CHORDC1: variants seen among roughly 807,000 people sequenced by gnomAD.
CHORDC1 encodes the protein cysteine and histidine-rich domain-containing protein 1.
A neutral mutation model predicts 48.3 loss-of-function variants in CHORDC1; 25 were observed. That is an observed-to-expected ratio of 0.52 (90% CI 0.38 to 0.72). The LOEUF (loss-of-function observed/expected upper bound fraction) is 0.72, where lower values mean the gene tolerates loss of function less well. CHORDC1 is among the 30% of genes least tolerant of loss of function. The probability of loss-of-function intolerance (pLI) is 0.00; values close to 1 mark genes in which losing one functional copy is unlikely to be tolerated. For synonymous variants in CHORDC1, 128 were observed against 126.4 expected, an observed-to-expected ratio of 1.01 and a Z score of -0.09; for missense variants, 317 against 388.7, an observed-to-expected ratio of 0.82 and a Z score of 1.55.
chr11:90,211,171 C>A, intron 5 of CHORDC1, 44 bp downstream of exon 5: 2 of 1,319,122 alleles, frequency 1.5e-6, no homozygotes. Context: ...AACTGCTTAA[C>A]TGTACCAGAA....
intron 4 of CHORDC1, 111 bp downstream of exon 4, chr11:90,213,904 TTGG>T: frequency 1.1e-6 from 1 of 883,316 alleles, no homozygotes; most frequent in South Asian, 1.9e-5. Flanking sequence ...GGTTCAAAGC[TTGG>T]TGGCCTACAT....
chr11:90,206,043 A>T, intron 7 of CHORDC1, 159 bp downstream of exon 7: 1 of 642,196 alleles, frequency 1.6e-6, no homozygotes, highest in Non-Finnish European at 2.8e-6. Context: ...AACACACAAC[A>T]TACAAACCCC....
intron 8 of CHORDC1, among the ~76,000 whole-genome samples, chr11:90,204,036 TATA>T (rs1326672997): frequency 6.6e-6 from 1 of 152,160 alleles, no homozygotes; most frequent in Non-Finnish European, 1.5e-5. Flanking sequence ...GATGATTTGT[TATA>T]TAAATGAGAA....
At chr11:90,207,429 G>C (rs553097968) in intron 6 of CHORDC1, 1 of 151,964 alleles carries the variant, frequency 6.6e-6, no homozygotes, top group African/African-American at 2.4e-5. Context: ...AGTAAGCAAC[G>C]ATTTCTTAAA....
At chr11:90,216,647 C>T in intron 2 of CHORDC1, 1 of 355,916 alleles carries the variant, frequency 2.8e-6, no homozygotes, top group Middle Eastern at 3.7e-4. Flanking sequence ...TTCATTAAGA[C>T]TTGGAGTGAT....
rs569316446 is a variant in CHORDC1, at chr11:90,222,724, G to A, written c.64+167C>T. On this transcript the variant is annotated intron_variant, in intron 1 of 10. Transcript: ENST00000320585. ...CGCCAAGGGAACGCGGCGCAACAGA[G>A]GGGCGGCCGGCGGGCTGCGCGGGCA... 87 of 726,324 alleles carry A rather than the reference G, an allele frequency of 1.2e-4. 1 individual carries two copies. The highest frequency in any genetic ancestry group is 9.8e-4 in the Middle Eastern group (3 of 3,052). 45.0% of individuals were successfully genotyped at this position (726,324 alleles called of 1,614,324 possible).
At chr11:90,204,582 G>A (rs1392866780) in intron 8 of CHORDC1, among the ~76,000 whole-genome samples, 4 of 152,012 alleles carry the variant, frequency 2.6e-5, no homozygotes, top group Non-Finnish European at 4.4e-5. Flanking sequence ...TTAGCTGGGC[G>A]TGGTGGTACG....
At position 90,201,111 on chromosome 11, in the gene CHORDC1, C is replaced by T. The variant is rs1263035444; in HGVS notation, c.*1294G>A. 1 of 151,882 alleles carries T rather than the reference C, an allele frequency of 6.6e-6. No homozygotes were observed. The allele number at this position is 151,882 out of a possible 1,614,324, so 9.4% of individuals were successfully genotyped here. On this transcript the variant is annotated 3_prime_UTR_variant, in exon 11 of 11. Transcript: ENST00000320585. ...ATTTGCTAATGGTAGTAGAATGATA[C>T]ATATGTTTTATTCACGAAAATAGTA...
intron 10 of CHORDC1, 131 bp from the exon 11 acceptor site, chr11:90,202,682 A>G: frequency 7.2e-7 from 1 of 1,386,664 alleles, no homozygotes; most frequent in East Asian, 2.4e-5. Context: ...CTAGTCTTAA[A>G]CTTTTTGGTA....
chr11:90,218,090 C>G (rs1858064018), intron 2 of CHORDC1, 45 bp downstream of exon 2: 1 of 1,333,390 alleles, frequency 7.5e-7, no homozygotes, highest in Non-Finnish European at 1.0e-6. Flanking sequence ...TTACATCTCT[C>G]AATTTACTAC....
In CHORDC1 at chr11:90,220,186, T is replaced by TATC. The variant is rs144684428; in HGVS notation, c.65-2005_65-2003dup. On this transcript the variant is annotated intron_variant, in intron 1 of 10. Transcript: ENST00000320585. ...GCCAAAAGATTGAACACCCTTGCTC[T>TATC]ATCACCTGATTCCTGGTGTTGCCTC... 7.5e-3 allele frequency among the ~76,000 whole-genome samples: 1,137 copies of TATC among 152,342 alleles called. 13 individuals are homozygous for TATC. The highest frequency in any genetic ancestry group is 0.026 in the African/African-American group (1,089 of 41,558).
At chr11:90,207,787 A>AAAAAC (rs1857743056) in intron 6 of CHORDC1, 2 of 146,252 alleles carry the variant, frequency 1.4e-5, no homozygotes, top group East Asian at 4.1e-4. Flanking sequence ...AACAAAAAAA[A>AAAAAC]CTCGTATAAC....
intron 8 of CHORDC1, among the ~76,000 whole-genome samples, chr11:90,204,334 C>T (rs1857613544): frequency 6.6e-6 from 1 of 151,994 alleles, no homozygotes; most frequent in South Asian, 2.1e-4. Flanking sequence ...AAAAAATACA[C>T]TCTTTTTATT....
At chr11:90,208,504 T>C (rs1857768938) in intron 6 of CHORDC1, 2 of 152,120 alleles carry the variant, frequency 1.3e-5, no homozygotes, top group African/African-American at 4.8e-5. Context: ...TAGAAATTAG[T>C]TGTGGCACAT....
intron 3 of CHORDC1, 145 bp downstream of exon 3, chr11:90,215,029 G>A (rs1857972469): frequency 2.2e-6 from 1 of 449,196 alleles, no homozygotes. Flanking sequence ...GCTGTGGAAG[G>A]GAGATGAGCT....
chr11:90,206,253 C>A lies in CHORDC1; in HGVS notation c.512G>T (p.Ser171Ile), dbSNP rs374735733. Residue 171 changes from serine to isoleucine, a missense_variant, in exon 7 of 11, where the codon AGT (serine) becomes ATT (isoleucine). Ser to Ile is a moderately radical substitution (Grantham distance 142). Transcript: ENST00000320585. ...ATGATATACACAGACTTCTTCTAGA[C>A]TCTCTAGACCCTGGTATGTCTAAAA... is the stretch of plus-strand genomic sequence containing the variant. ...GCSKTYQGLE[S>I]LEEVCVYHSG... 5.1e-6 allele frequency: 8 copies of A among 1,565,580 alleles called. No individual in the cohort carries two copies. Among genetic ancestry groups the A allele is most frequent in the Non-Finnish European group, 7.0e-6 (8 of 1,136,000 alleles).
intron 1 of CHORDC1, among the ~76,000 whole-genome samples, chr11:90,222,318 C>T (rs930144965): frequency 6.6e-6 from 1 of 152,188 alleles, no homozygotes; most frequent in African/African-American, 2.4e-5. Flanking sequence ...CCAGGATGAA[C>T]CTATCAAAAC....
rs1857558856 is a variant in CHORDC1, at chr11:90,202,285, A to C, written c.*120T>G. The C allele has an allele frequency of 4.3e-6, 4 of 934,910 alleles. No individual in the cohort carries two copies. The highest frequency in any genetic ancestry group is 4.7e-5 in the Admixed American group (2 of 42,690). The allele number at this position is 934,910 out of a possible 1,614,324, so 57.9% of individuals were successfully genotyped here. ...TTTGGCTTTTAAGAACCTAATGTTA[A>C]CCCTGAAATGCCACATTCAGTAACA... On this transcript the variant is annotated 3_prime_UTR_variant, in exon 11 of 11. Transcript: ENST00000320585.
Position 90,216,787 on chromosome 11 carries a change from T to C in CHORDC1, c.114+1348A>G, listed in dbSNP as rs118120064. 3.3e-3 allele frequency among the ~76,000 whole-genome samples: 496 copies of C among 152,224 alleles called. 2 individuals are homozygous for C. Among genetic ancestry groups the C allele is most frequent in the Non-Finnish European group, 5.0e-3 (341 of 67,988 alleles). On this transcript the variant is annotated intron_variant, in intron 2 of 10. Coordinates refer to ENST00000320585, the MANE Select transcript of CHORDC1 (RefSeq NM_012124.3). Reference sequence around the variant, plus strand: ...TAAACGGTACACACTAGAAACTGGTTTGATGTTGCCAATGAGACACATAAA... The same window carrying C: ...TAAACGGTACACACTAGAAACTGGTCTGATGTTGCCAATGAGACACATAAA...
Sources: gnomAD v4.1 joint callset for allele counts (sites outside exome capture counted in the v4.1 genomes callset) on GRCh38, gnomAD v4.1.1 for gene constraint, MANE v1.5 for transcripts, NCBI Gene and HGNC (gene_info 2026-07-23, HGNC 2026-07-21) for gene names.